Variants in UBE4B observed in about 807,000 individuals in gnomAD.
UBE4B encodes the protein ubiquitin conjugation factor E4 B.
In UBE4B, 27 loss-of-function variants were observed where a neutral mutation model predicts 148.1. That is an observed-to-expected ratio of 0.18 (90% confidence interval 0.13 to 0.25). The LOEUF (loss-of-function observed/expected upper bound fraction) is 0.25, where lower values mean the gene tolerates loss of function less well. Among genes scored for constraint, UBE4B ranks in the 10% least tolerant of loss-of-function variants. The pLI, the probability that UBE4B is intolerant of heterozygous loss-of-function variation, is 1.00. For missense variants in UBE4B, 1,170 were observed against 1,662.4 expected, an observed-to-expected ratio of 0.70 and a Z score of 5.15; for synonymous variants, 596 against 619.3, an observed-to-expected ratio of 0.96 and a Z score of 0.56.
At chr1:10,042,798 C>T (rs1345005249) in intron 1 of UBE4B, among the ~76,000 whole-genome samples, 2 of 152,004 alleles carry the variant, frequency 1.3e-5, no homozygotes, top group African/African-American at 4.8e-5. Context: ...GTAACGTGTG[C>T]ACTTTGAGGA....
At chr1:10,079,424 T>C (rs1168668616) in intron 2 of UBE4B, among the ~76,000 whole-genome samples, 2 of 152,184 alleles carry the variant, frequency 1.3e-5, no homozygotes, top group African/African-American at 4.8e-5. Context: ...CCTCCCAAAG[T>C]GCTGGGATTA....
intron 2 of UBE4B, among the ~76,000 whole-genome samples, chr1:10,082,362 A>C (rs983889235): frequency 6.6e-5 from 10 of 152,052 alleles, no homozygotes; most frequent in African/African-American, 1.9e-4. Context: ...TTAGCCAGGC[A>C]TGGTAGTGCG....
At chr1:10,052,551 C>A (rs1309142731) in intron 1 of UBE4B, among the ~76,000 whole-genome samples, 2 of 152,208 alleles carry the variant, frequency 1.3e-5, no homozygotes, top group Non-Finnish European at 2.9e-5. Context: ...TGTGTCTATA[C>A]TTGTCACCAG....
In UBE4B at chr1:10,074,696, A is replaced by G. The variant is rs72861420; in HGVS notation, c.211+2482A>G. ...AGAACAGCACATTCTCCTGGTTTTCATGCATTCTCTGTATCTGTTCCTTCT... is the reference window on the plus strand; with the variant it reads ...AGAACAGCACATTCTCCTGGTTTTCGTGCATTCTCTGTATCTGTTCCTTCT... On this transcript the variant is annotated intron_variant, in intron 2 of 27. Coordinates refer to ENST00000343090, the MANE Select transcript of UBE4B (RefSeq NM_001105562.3). Among the ~76,000 whole-genome samples the G allele has an allele frequency of 8.4e-3, 1,282 of 152,244 alleles. 26 individuals are homozygous for G. The highest frequency in any genetic ancestry group is 0.03 in the African/African-American group (1,236 of 41,536).
intron 1 of UBE4B, among the ~76,000 whole-genome samples, chr1:10,067,754 G>A (rs1484143965): frequency 6.6e-6 from 1 of 152,002 alleles, no homozygotes; most frequent in African/African-American, 2.4e-5. Context: ...TTGAGATGGA[G>A]TCTCACTCTA....
chr1:10,136,213 C>T (rs1206729021), intron 16 of UBE4B, among the ~76,000 whole-genome samples: 1 of 152,034 alleles, frequency 6.6e-6, no homozygotes, highest in Non-Finnish European at 1.5e-5. Flanking sequence ...TGGCTCACAT[C>T]CATAATCCCA....
intron 10 of UBE4B, among the ~76,000 whole-genome samples, chr1:10,123,411 CAG>C (rs1645441949): frequency 9.4e-6 from 1 of 106,370 alleles, no homozygotes; most frequent in Non-Finnish European, 1.7e-5. Flanking sequence ...GCCTGGGTGA[CAG>C]AGCAAGACTG....
rs546198907 is a variant in UBE4B at position 10,152,950 on chromosome 1, C to T, written c.2926+1389C>T. 9.8e-4 allele frequency among the ~76,000 whole-genome samples: 148 copies of T among 151,262 alleles called. 1 individual carries two copies. Among genetic ancestry groups the T allele is most frequent in the African/African-American group, 3.3e-3 (135 of 41,260 alleles). On this transcript the variant is annotated intron_variant, in intron 21 of 27. Coordinates refer to ENST00000343090, the MANE Select transcript of UBE4B (RefSeq NM_001105562.3). ...GCTTGGACGGAGCTAGGACCCAGTC[C>T]TCTGTGGAAGGCCCTTGGCCAGTAG...
At chr1:10,137,921 CTTTTTTTTTTTTTTTT>C (rs70998351) in intron 17 of UBE4B, among the ~76,000 whole-genome samples, 3 of 66,982 alleles carry the variant, frequency 4.5e-5, no homozygotes, top group East Asian at 5.9e-4. Context: ...CTTACTAATT[CTTTTTTTTTTTTTTTT>C]TTTTTTTTTT....
intron 22 of UBE4B, among the ~76,000 whole-genome samples, chr1:10,158,688 A>G (rs1007813662): frequency 2.1e-4 from 32 of 152,278 alleles, no homozygotes; most frequent in African/African-American, 7.5e-4. Context: ...AGATTTGTCA[A>G]GATACTTTGG....
rs1646166361 is a variant in UBE4B at position 10,161,902 on chromosome 1, A to G, written c.3198+616A>G. ...TGACTTCTTAGATTGGCTTAGGTTT[A>G]TTGATTCTGTTCTTGGAATTGTCAG... On this transcript the variant is annotated intron_variant, in intron 23 of 27. Transcript: ENST00000343090. This position sits in a 1 kb window ranked among gnomAD's most constrained non-coding sequence, Gnocchi z 4.1. Among the ~76,000 whole-genome samples the G allele has an allele frequency of 6.6e-6, 1 of 151,496 alleles. No homozygotes were observed. The highest frequency in any genetic ancestry group is 1.5e-5 in the Non-Finnish European group (1 of 67,970).
At chr1:10,042,963 C>A (rs975664365) in intron 1 of UBE4B, among the ~76,000 whole-genome samples, 1 of 150,682 alleles carries the variant, frequency 6.6e-6, no homozygotes, top group South Asian at 2.1e-4. Flanking sequence ...TTAGAGCCTT[C>A]TGTGCAAGGG....
At chr1:10,041,974 C>A (rs1047723688) in intron 1 of UBE4B, among the ~76,000 whole-genome samples, 3 of 152,184 alleles carry the variant, frequency 2.0e-5, no homozygotes, top group Non-Finnish European at 4.4e-5. Context: ...GGATTACAGG[C>A]ATGATGCTGG....
At chr1:10,102,787 G>A (rs1645037362) in intron 4 of UBE4B, among the ~76,000 whole-genome samples, 161 bp from the exon 5 acceptor site, 1 of 152,090 alleles carries the variant, frequency 6.6e-6, no homozygotes, top group African/African-American at 2.4e-5. Flanking sequence ...TGATGTTATA[G>A]GAATAGGCTT....
intron 1 of UBE4B, among the ~76,000 whole-genome samples, chr1:10,048,733 C>CT (rs967870964): frequency 3.3e-5 from 5 of 152,162 alleles, no homozygotes; most frequent in African/African-American, 4.8e-5. Flanking sequence ...CTTGACAAGA[C>CT]TGATTTCATT....
chr1:10,166,096 C>T (rs1450833373), intron 23 of UBE4B: 13 of 152,234 alleles, frequency 8.5e-5, no homozygotes, highest in Admixed American at 7.9e-4. Flanking sequence ...GAATCTCCAT[C>T]AAGCACAGAC....
chr1:10,136,004 CAGT>C (rs144966569), intron 16 of UBE4B, among the ~76,000 whole-genome samples: 1,654 of 151,952 alleles, frequency 0.011, 24 homozygotes, highest in African/African-American at 0.038. Context: ...TAAATCCTCC[CAGT>C]AGTAACATTA....
chr1:10,179,698 A>G, intron 27 of UBE4B, 136 bp downstream of exon 27: 2 of 1,454,768 alleles, frequency 1.4e-6, no homozygotes, highest in South Asian at 2.6e-5. Context: ...CTCTGTAGCA[A>G]AGACCCAAAA....
chr1:10,121,446 T>G (rs1293502209), intron 9 of UBE4B, among the ~76,000 whole-genome samples: 1 of 152,238 alleles, frequency 6.6e-6, no homozygotes, highest in African/African-American at 2.4e-5. Context: ...AATCTCACTC[T>G]GTTGTCTAGG....
Sources: allele counts gnomAD v4.1 joint callset (sites outside exome capture counted in the v4.1 genomes callset), GRCh38; gene constraint gnomAD v4.1.1; non-coding constraint Gnocchi (gnomAD v3.1); transcripts MANE v1.5; gene names NCBI Gene and HGNC (gene_info 2026-07-23, HGNC 2026-07-21).